The following SPINT2 variants were observed in gnomAD, a reference collection of about 807,000 sequenced individuals.
SPINT2 encodes serine peptidase inhibitor, Kunitz type 2.
Under a neutral mutation model 30.1 loss-of-function variants are expected in SPINT2, and 18 were observed. The ratio of observed to expected loss-of-function variants is 0.60; its 90% CI spans 0.41 to 0.89. The LOEUF (loss-of-function observed/expected upper bound fraction) is 0.89, where lower values mean the gene tolerates loss of function less well. Ranked by LOEUF, SPINT2 falls within the 40% of genes least tolerant of loss-of-function variation. SPINT2 has a pLI of 0.00. For missense variants in SPINT2, 276 were observed against 334.3 expected (o/e 0.83, Z 1.36); for synonymous variants, 139 against 137.9 (o/e 1.01, Z -0.05).
At chr19:38,276,075 T>C (rs951859725) in intron 1 of SPINT2, among the ~76,000 whole-genome samples, 1 of 152,154 alleles carries the variant, frequency 6.6e-6, no homozygotes, top group Non-Finnish European at 1.5e-5. Flanking sequence ...TCCCACTGAT[T>C]ATGAGATTGC....
chr19:38,273,488 T>G (rs896621466), intron 1 of SPINT2, among the ~76,000 whole-genome samples: 6 of 152,172 alleles, frequency 3.9e-5, no homozygotes, highest in Non-Finnish European at 5.9e-5. Context: ...CATGAGCCAC[T>G]GTGCCCGGCC....
At chr19:38,287,804 G>A in intron 2 of SPINT2, 72 bp from the exon 3 acceptor site, 2 of 1,538,974 alleles carry the variant, frequency 1.3e-6, no homozygotes, top group South Asian at 1.1e-5. Context: ...GGCGCACAGG[G>A]CCAGCTCATT....
At chr19:38,278,628 A>T (rs2093990185) in intron 1 of SPINT2, among the ~76,000 whole-genome samples, 2 of 152,004 alleles carry the variant, frequency 1.3e-5, no homozygotes, top group South Asian at 4.1e-4. Context: ...CATGGTGAGA[A>T]CCCCATCTTT....
chr19:38,291,054 C>T (rs986993603), intron 6 of SPINT2: 1 of 223,014 alleles, frequency 4.5e-6, no homozygotes, highest in Admixed American at 5.2e-5. Flanking sequence ...CCTGCCATGC[C>T]AGTCTGGCCT....
chr19:38,271,353 G>C, intron 1 of SPINT2, among the ~76,000 whole-genome samples: 1 of 151,914 alleles, frequency 6.6e-6, no homozygotes, highest in East Asian at 1.9e-4. Context: ...TTAGCCTCGC[G>C]TGGTGGCGGG....
At chr19:38,276,904 G>A (rs916168192) in intron 1 of SPINT2, among the ~76,000 whole-genome samples, 3 of 151,414 alleles carry the variant, frequency 2.0e-5, no homozygotes, top group African/African-American at 4.8e-5. Flanking sequence ...GGGTTCAAGC[G>A]ATTCTCCTGC....
At chr19:38,274,215 G>T (rs1336619791) in intron 1 of SPINT2, among the ~76,000 whole-genome samples, 1 of 144,722 alleles carries the variant, frequency 6.9e-6, no homozygotes, top group African/African-American at 2.5e-5. Context: ...GACAGGGCAA[G>T]TCCCTGTCTC....
chr19:38,270,540 G>A (rs1203497782), intron 1 of SPINT2, among the ~76,000 whole-genome samples: 2 of 152,218 alleles, frequency 1.3e-5, no homozygotes, highest in Non-Finnish European at 2.9e-5. Flanking sequence ...GAGTGTCAGG[G>A]TTGGTGTGCT....
intron 1 of SPINT2, among the ~76,000 whole-genome samples, chr19:38,277,426 T>C (rs1968533508): frequency 6.6e-6 from 1 of 152,020 alleles, no homozygotes; most frequent in Non-Finnish European, 1.5e-5. Context: ...TTTTGTATTT[T>C]TGAGCTCAAG....
At chr19:38,288,095 C>T (rs190723885) in intron 3 of SPINT2, 160 bp downstream of exon 3, 1 of 764,152 alleles carries the variant, frequency 1.3e-6, no homozygotes, top group East Asian at 2.7e-5. Context: ...GCTTCTGGCT[C>T]CAGCATCCTT....
At position 38,290,077 on chromosome 19, in the gene SPINT2, G is replaced by A. The variant is rs375887520; in HGVS notation, c.392-42G>A. The A allele has an allele frequency of 3.2e-5, 51 of 1,610,686 alleles. No individual in the cohort carries two copies. Among genetic ancestry groups the A allele is most frequent in the African/African-American group, 9.4e-5 (7 of 74,824 alleles). On this transcript the variant is annotated intron_variant, in intron 4 of 6. Transcript: ENST00000301244. The surrounding 1 kb of genome is among the most constrained non-coding windows in gnomAD (Gnocchi z 4.3). ...TTTCTGGCTTGCTTCCCCTCCTTGCGGGCCCTACTAATTTGTATTCCCTGG... is the reference window on the plus strand; with the variant it reads ...TTTCTGGCTTGCTTCCCCTCCTTGCAGGCCCTACTAATTTGTATTCCCTGG...
At chr19:38,275,040 A>C (rs1348627365) in intron 1 of SPINT2, among the ~76,000 whole-genome samples, 1 of 152,158 alleles carries the variant, frequency 6.6e-6, no homozygotes, top group Non-Finnish European at 1.5e-5. Context: ...TGTGACATTG[A>C]AAGAGCAAAG....
intron 1 of SPINT2, among the ~76,000 whole-genome samples, chr19:38,269,673 C>T (rs1165226574): frequency 6.1e-5 from 9 of 148,394 alleles, no homozygotes; most frequent in Admixed American, 2.0e-4. Context: ...TGCAGTGGCG[C>T]GTTCTCGGCT....
intron 1 of SPINT2, among the ~76,000 whole-genome samples, chr19:38,278,385 C>G (rs559876777): frequency 6.6e-6 from 1 of 152,168 alleles, no homozygotes; most frequent in African/African-American, 2.4e-5. Flanking sequence ...CCTGGCACTG[C>G]TGGCTGCCTC....
chr19:38,268,347 G>A (rs954838665), intron 1 of SPINT2, among the ~76,000 whole-genome samples: 1 of 152,152 alleles, frequency 6.6e-6, no homozygotes, highest in Non-Finnish European at 1.5e-5. Flanking sequence ...GTTACCGTCT[G>A]GAGTGGAAAG....
chr19:38,287,126 C>T lies in SPINT2; in HGVS notation c.278-750C>T, dbSNP rs150845399. On this transcript the variant is annotated intron_variant, in intron 2 of 6. Transcript: ENST00000301244. ...ACAACCTCTGCCTCCCAGGTTCAGGCGATTCTCCTGCCTCAGCCACCCGAG... is the reference window on the plus strand; with the variant it reads ...ACAACCTCTGCCTCCCAGGTTCAGGTGATTCTCCTGCCTCAGCCACCCGAG... 2.0e-3 allele frequency among the ~76,000 whole-genome samples: 300 copies of T among 152,220 alleles called. 2 individuals are homozygous for T. Among genetic ancestry groups the T allele is most frequent in the African/African-American group, 6.4e-3 (264 of 41,536 alleles).
intron 1 of SPINT2, among the ~76,000 whole-genome samples, chr19:38,271,616 G>A (rs1293477622): frequency 6.6e-6 from 1 of 151,056 alleles, no homozygotes; most frequent in East Asian, 2.0e-4. Flanking sequence ...GGTGGATCAC[G>A]AGATCAGGAG....
intron 1 of SPINT2, among the ~76,000 whole-genome samples, chr19:38,270,995 C>T (rs1968448485): frequency 1.3e-5 from 2 of 152,194 alleles, no homozygotes; most frequent in African/African-American, 4.8e-5. Context: ...TCACAAGTGT[C>T]ATTTCATGGT....
At chr19:38,270,950 T>TA (rs1197274381) in intron 1 of SPINT2, among the ~76,000 whole-genome samples, 1 of 152,212 alleles carries the variant, frequency 6.6e-6, no homozygotes, top group Non-Finnish European at 1.5e-5. Flanking sequence ...ATGTGGACAT[T>TA]AGAGTGTGGA....
Sources: allele counts gnomAD v4.1 joint callset (sites outside exome capture counted in the v4.1 genomes callset), GRCh38; gene constraint gnomAD v4.1.1; non-coding constraint Gnocchi (gnomAD v3.1); transcripts MANE v1.5; gene names NCBI Gene and HGNC (gene_info 2026-07-23, HGNC 2026-07-21).